The following NFE2L2 variants were observed in gnomAD, a reference collection of about 807,000 sequenced individuals.
NFE2L2 encodes the protein nuclear factor erythroid 2-related factor 2.
A neutral mutation model predicts 49.6 loss-of-function variants in NFE2L2; 20 were observed. The observed-to-expected ratio is 0.40, with a 90% CI of 0.28 to 0.59. The LOEUF (loss-of-function observed/expected upper bound fraction) is 0.59, where lower values mean the gene tolerates loss of function less well. NFE2L2 is among the 20% of genes least tolerant of loss of function. The probability of loss-of-function intolerance (pLI) is 0.40; values close to 1 mark genes in which losing one functional copy is unlikely to be tolerated. For missense variants in NFE2L2, 578 were observed against 714.2 expected (o/e 0.81, Z 2.17); for synonymous variants, 244 against 256.5 (o/e 0.95, Z 0.47).
chr2:177,232,850 T>A (rs1689603850), intron 3 of NFE2L2: 1 of 495,166 alleles, frequency 2.0e-6, no homozygotes, highest in Admixed American at 3.5e-5. Flanking sequence ...GTTTATATAA[T>A]ATCTAGCACA....
At chr2:177,264,012 C>T (rs1690843553) in intron 1 of NFE2L2, 2 of 931,032 alleles carry the variant, frequency 2.1e-6, no homozygotes, top group South Asian at 4.9e-5. Flanking sequence ...TCTTGGGGCG[C>T]GGCGAAGGGG....
At chr2:177,247,117 C>T (rs1690159729) in intron 1 of NFE2L2, among the ~76,000 whole-genome samples, 1 of 152,104 alleles carries the variant, frequency 6.6e-6, no homozygotes, top group Non-Finnish European at 1.5e-5. Context: ...GTTGCTGGGT[C>T]AAAGAGTATA....
chr2:177,241,372 C>A (rs747074175), intron 1 of NFE2L2, among the ~76,000 whole-genome samples: 6 of 151,936 alleles, frequency 3.9e-5, no homozygotes, highest in Non-Finnish European at 8.8e-5. Context: ...CATATTATTC[C>A]CAGGTGATTA....
At chr2:177,244,075 T>TG (rs1194880452) in intron 1 of NFE2L2, among the ~76,000 whole-genome samples, 1 of 150,652 alleles carries the variant, frequency 6.6e-6, no homozygotes, top group African/African-American at 2.4e-5. Context: ...CTGAGGTAGG[T>TG]GGATCACAGG....
intron 1 of NFE2L2, among the ~76,000 whole-genome samples, chr2:177,244,812 C>G (rs1415069106): frequency 6.6e-6 from 1 of 151,944 alleles, no homozygotes; most frequent in African/African-American, 2.4e-5. Flanking sequence ...GGAGACCATC[C>G]TGGCTAACGG....
At chr2:177,259,916 A>C (rs1228227703) in intron 1 of NFE2L2, among the ~76,000 whole-genome samples, 1 of 152,100 alleles carries the variant, frequency 6.6e-6, no homozygotes, top group Non-Finnish European at 1.5e-5. Flanking sequence ...TGGGCGACAG[A>C]GCAAGACTGC....
intron 1 of NFE2L2, chr2:177,263,266 G>A: frequency 2.9e-6 from 2 of 701,174 alleles, no homozygotes; most frequent in Non-Finnish European, 3.5e-6. Flanking sequence ...GGGGGAACAT[G>A]TTAAGAAATT....
At chr2:177,239,719 T>TCAAAA (rs762793207) in intron 1 of NFE2L2, among the ~76,000 whole-genome samples, 7 of 152,122 alleles carry the variant, frequency 4.6e-5, no homozygotes, top group South Asian at 4.2e-4. Context: ...ATGAGAGGTC[T>TCAAAA]CAAAACAAAA....
At chr2:177,233,426 AATATTT>A in intron 2 of NFE2L2, 87 bp from the exon 3 acceptor site, 1 of 978,470 alleles carries the variant, frequency 1.0e-6, no homozygotes, top group Non-Finnish European at 1.5e-6. Context: ...ATGTTCATAA[AATATTT>A]ATAATCAAGT....
In NFE2L2 at chr2:177,231,488, C is replaced by G. The variant is rs1171308338; in HGVS notation, c.1115G>C (p.Gly372Ala). The change falls in exon 5 of 5, where the codon GGC becomes GCC. Residue 372 changes from glycine to alanine, a missense_variant. Gly to Ala is a moderately conservative substitution (Grantham distance 60, BLOSUM62 0). This residue lies in a region of NFE2L2 where 368 missense variants were observed against 384.6 expected (regional missense o/e 0.96). Transcript: ENST00000397062. The part of the protein sequence containing the change: ...ESSSYGDTLL[G>A]LSDSEVEELD... ...CTCTTCCACTTCAGAATCACTGAGG[C>G]CAAGTAGTGTGTCTCCATAGCTGGA... is the stretch of plus-strand genomic sequence containing the variant. 1 of 1,614,220 alleles carries G rather than the reference C, an allele frequency of 6.2e-7. No individual in the cohort carries two copies.
intron 1 of NFE2L2, among the ~76,000 whole-genome samples, chr2:177,239,484 CT>C (rs1421512512): frequency 1.3e-5 from 2 of 152,146 alleles, no homozygotes; most frequent in African/African-American, 4.8e-5. Flanking sequence ...CGAGACCAGC[CT>C]GGGCAACATG....
intron 1 of NFE2L2, among the ~76,000 whole-genome samples, chr2:177,241,695 A>C (rs974559938): frequency 6.6e-6 from 1 of 151,982 alleles, no homozygotes; most frequent in African/African-American, 2.4e-5. Context: ...CTCTACAAAA[A>C]AATTTAAAAA....
chr2:177,245,829 C>T (rs1298246094), intron 1 of NFE2L2, among the ~76,000 whole-genome samples: 2 of 152,116 alleles, frequency 1.3e-5, no homozygotes, highest in Non-Finnish European at 2.9e-5. Context: ...AAGCTGGTCT[C>T]GAACTCCTGA....
chr2:177,254,331 C>T (rs375801475), intron 1 of NFE2L2, among the ~76,000 whole-genome samples: 1 of 152,182 alleles, frequency 6.6e-6, no homozygotes, highest in African/African-American at 2.4e-5. Flanking sequence ...TGTCCCATCA[C>T]CTGCTTCAGG....
intron 3 of NFE2L2, 107 bp from the exon 4 acceptor site, chr2:177,232,690 C>G: frequency 6.6e-6 from 7 of 1,065,220 alleles, no homozygotes; most frequent in Non-Finnish European, 8.1e-6. Context: ...TTCTGTGTCT[C>G]TCTACTTACT....
At chr2:177,264,431 T>G (rs1398264943) in intron 1 of NFE2L2, 101 bp downstream of exon 1, 2 of 1,271,420 alleles carry the variant, frequency 1.6e-6, no homozygotes, top group Non-Finnish European at 2.1e-6. Flanking sequence ...TGGCCAGACG[T>G]GGGGGAAGCC....
chr2:177,263,249 C>A (rs1452864384), intron 1 of NFE2L2, among the ~76,000 whole-genome samples: 2 of 152,226 alleles, frequency 1.3e-5, no homozygotes, highest in African/African-American at 4.8e-5. Flanking sequence ...TCTGCCCCTG[C>A]AGAAGAGGGG....
chr2:177,232,306 A>G (rs1689582450), intron 4 of NFE2L2, 86 bp downstream of exon 4: 3 of 1,287,262 alleles, frequency 2.3e-6, no homozygotes, highest in Non-Finnish European at 3.2e-6. Context: ...AATCCTTCCT[A>G]TAAATAGGTG....
intron 1 of NFE2L2, among the ~76,000 whole-genome samples, chr2:177,246,470 T>G (rs894439914): frequency 6.6e-5 from 10 of 151,590 alleles, no homozygotes; most frequent in East Asian, 1.9e-4. Flanking sequence ...TAGTATCAGG[T>G]TTTTTTTTGT....
Sources: allele counts gnomAD v4.1 joint callset (sites outside exome capture counted in the v4.1 genomes callset), GRCh38; gene constraint gnomAD v4.1.1; regional missense constraint gnomAD v4.1.1; transcripts MANE v1.5; gene names NCBI Gene and HGNC (gene_info 2026-07-23, HGNC 2026-07-21).